NXPE2: variants seen among roughly 807,000 people sequenced by gnomAD.
NXPE2 encodes neurexophilin and PC-esterase domain family member 2, also known as NXPE family member 2.
A neutral mutation model predicts 34.4 loss-of-function variants in NXPE2; 34 were observed. The ratio of observed to expected loss-of-function variants is 0.99; its 90% CI spans 0.75 to 1.31. The LOEUF (loss-of-function observed/expected upper bound fraction) is 1.31. Among genes scored for constraint, NXPE2 ranks in the 40% most tolerant of loss-of-function variants. The pLI, the probability that NXPE2 is intolerant of heterozygous loss-of-function variation, is 0.00. For missense variants in NXPE2, 649 were observed against 672.5 expected, an observed-to-expected ratio of 0.97 and a Z score of 0.39; for synonymous variants, 235 against 231.3, an observed-to-expected ratio of 1.02 and a Z score of -0.15.
At chr11:114,794,700 A>T in the NXPE2 span, among the ~76,000 whole-genome samples, 1 of 152,186 alleles carries the variant, frequency 6.6e-6, no homozygotes, top group Admixed American at 6.5e-5. Context: ...TTGACCTCCA[A>T]ATGTTCCTAT....
At chr11:114,511,195 T>G in the NXPE2 span, among the ~76,000 whole-genome samples, 4 of 152,228 alleles carry the variant, frequency 2.6e-5, no homozygotes, top group Non-Finnish European at 4.4e-5. Flanking sequence ...TTACTGCCAC[T>G]AAGAATGGTT....
the NXPE2 span, among the ~76,000 whole-genome samples, chr11:114,567,779 G>A: frequency 6.6e-6 from 1 of 151,328 alleles, no homozygotes; most frequent in Non-Finnish European, 1.5e-5. Context: ...CACCTTGTCA[G>A]TTTCTTTTCA....
chr11:114,796,062 A>T, the NXPE2 span, among the ~76,000 whole-genome samples: 1,036 of 152,292 alleles, frequency 6.8e-3, 10 homozygotes, highest in African/African-American at 0.024. Flanking sequence ...GATTTAAAAG[A>T]TACACCATCT....
chr11:114,548,117 G>A, the NXPE2 span, among the ~76,000 whole-genome samples: 4 of 152,038 alleles, frequency 2.6e-5, no homozygotes, highest in Non-Finnish European at 5.9e-5. Flanking sequence ...TACCATATAT[G>A]CAAAAGGATA....
chr11:114,523,606 A>G, the NXPE2 span, among the ~76,000 whole-genome samples: 1 of 152,218 alleles, frequency 6.6e-6, no homozygotes, highest in African/African-American at 2.4e-5. Flanking sequence ...GTAAAACCAG[A>G]CTTTGCTAAA....
chr11:114,471,258 A>AT, the NXPE2 span, among the ~76,000 whole-genome samples: 1 of 152,072 alleles, frequency 6.6e-6, no homozygotes, highest in Non-Finnish European at 1.5e-5. Context: ...AGTTTTACAG[A>AT]TTGAGGTTTT....
chr11:114,517,823 T>C, the NXPE2 span: 25 of 152,200 alleles, frequency 1.6e-4, no homozygotes, highest in Admixed American at 1.6e-3. Context: ...TTTAGGGGCC[T>C]TCATAAACCA....
At chr11:114,556,244 T>G in the NXPE2 span, among the ~76,000 whole-genome samples, 1 of 152,210 alleles carries the variant, frequency 6.6e-6, no homozygotes, top group South Asian at 2.1e-4. Context: ...TTGAAAAGCC[T>G]GGGCTTTTTA....
At chr11:114,720,194 G>A in the NXPE2 span, among the ~76,000 whole-genome samples, 1 of 152,214 alleles carries the variant, frequency 6.6e-6, no homozygotes, top group African/African-American at 2.4e-5. Context: ...AGCAGTGCAA[G>A]TAGAATGAAT....
upstream of NXPE2, among the ~76,000 whole-genome samples, chr11:114,675,675 C>A (rs990295427): frequency 4.0e-5 from 6 of 151,788 alleles, no homozygotes; most frequent in African/African-American, 1.4e-4. Context: ...CCATACTGCC[C>A]AAAACATTCT....
the NXPE2 span, among the ~76,000 whole-genome samples, chr11:114,775,490 A>G: frequency 6.6e-6 from 1 of 152,166 alleles, no homozygotes; most frequent in Non-Finnish European, 1.5e-5. Context: ...GCTCCTGACC[A>G]CTCATCTCAT....
intron 2 of NXPE2, 59 bp from the exon 3 acceptor site, chr11:114,697,986 T>C (rs1951290231): frequency 7.2e-7 from 1 of 1,382,548 alleles, no homozygotes; most frequent in Non-Finnish European, 9.5e-7. Context: ...ATAATTTATA[T>C]TGAAAAGCAA....
the NXPE2 span, among the ~76,000 whole-genome samples, chr11:114,650,610 T>C: frequency 1.3e-5 from 2 of 152,096 alleles, no homozygotes; most frequent in African/African-American, 4.8e-5. Context: ...GGTGGAAGAA[T>C]AAGACCTCTA....
At position 114,706,497 on chromosome 11, in the gene NXPE2, C is replaced by A; in HGVS notation, c.1247C>A (p.Pro416Gln). Residue 416 changes from proline to glutamine, a missense_variant, in exon 6 of 6, where the codon CCA becomes CAA. Pro to Gln is a moderately conservative substitution (Grantham distance 76). Coordinates refer to ENST00000389586, the MANE Select transcript of NXPE2 (RefSeq NM_182495.6). Reference protein sequence around the residue: ...ILIQWKKHGHPFVTKKLFSVK... With the variant: ...ILIQWKKHGHQFVTKKLFSVK... ...ATTCAGTGGAAAAAACATGGTCATC[C>A]ATTTGTTACCAAAAAATTATTCTCA... 1 of 1,551,726 alleles carries A rather than the reference C, an allele frequency of 6.4e-7. No homozygotes were observed. The highest frequency in any genetic ancestry group is 8.7e-7 in the Non-Finnish European group (1 of 1,146,906).
the NXPE2 span, chr11:114,522,975 T>C: frequency 2.1e-5 from 34 of 1,613,758 alleles, no homozygotes; most frequent in Non-Finnish European, 2.8e-5. Flanking sequence ...TTTATCTTAA[T>C]TGTGTCTAAC....
the NXPE2 span, among the ~76,000 whole-genome samples, chr11:114,639,465 C>G: frequency 1.1e-4 from 17 of 151,680 alleles, no homozygotes; most frequent in African/African-American, 3.9e-4. Context: ...GCACGCTGCG[C>G]TGCCCCCACT....
At chr11:114,795,149 C>T in the NXPE2 span, among the ~76,000 whole-genome samples, 2 of 152,128 alleles carry the variant, frequency 1.3e-5, no homozygotes, top group African/African-American at 2.4e-5. Flanking sequence ...ATAAATAGCA[C>T]GCCTCTGTAT....
chr11:114,600,120 A>G, the NXPE2 span, among the ~76,000 whole-genome samples: 1 of 152,194 alleles, frequency 6.6e-6, no homozygotes, highest in South Asian at 2.1e-4. Context: ...AAAATCAGTG[A>G]GGAAAAGTTT....
At chr11:114,599,810 C>T in the NXPE2 span, among the ~76,000 whole-genome samples, 27 of 152,076 alleles carry the variant, frequency 1.8e-4, no homozygotes, top group Non-Finnish European at 3.5e-4. Context: ...ACTCTGCCCC[C>T]GTGATCCAAT....
Sources: gnomAD v4.1 joint callset for allele counts (sites outside exome capture counted in the v4.1 genomes callset) on GRCh38, gnomAD v4.1.1 for gene constraint, MANE v1.5 for transcripts, NCBI Gene and HGNC (gene_info 2026-07-23, HGNC 2026-07-21) for gene names.